Variants in RTN4IP1 observed in about 807,000 individuals in gnomAD.
The protein encoded by RTN4IP1 is reticulon 4 interacting protein 1, also known as NAD(P)H oxidoreductase RTN4IP1, mitochondrial.
Under a neutral mutation model 46.6 loss-of-function variants are expected in RTN4IP1, and 32 were observed. That is an observed-to-expected ratio of 0.69 (90% CI 0.52 to 0.92). The LOEUF (loss-of-function observed/expected upper bound fraction) is 0.92. Ranked by LOEUF, RTN4IP1 falls within the 40% of genes least tolerant of loss-of-function variation. The pLI is 0.00. For synonymous variants in RTN4IP1, 167 were observed against 161.8 expected, an observed-to-expected ratio of 1.03 and a Z score of -0.24; for missense variants, 424 against 485.8, an observed-to-expected ratio of 0.87 and a Z score of 1.20.
chr6:106,609,900 A>AC (rs139061293), intron 4 of RTN4IP1, among the ~76,000 whole-genome samples: 7,736 of 152,202 alleles, frequency 0.051, 278 homozygotes, highest in Middle Eastern at 0.099. Flanking sequence ...CCTGATGGCG[A>AC]CCCCAAGTGC....
chr6:106,587,656 C>T, intron 7 of RTN4IP1, 23 bp downstream of exon 7: 1 of 1,587,120 alleles, frequency 6.3e-7, no homozygotes, highest in Non-Finnish European at 8.6e-7. Flanking sequence ...CCTGCAGTCA[C>T]CAACCAAGAC....
At chr6:106,592,730 C>T (rs996883343) in intron 5 of RTN4IP1, among the ~76,000 whole-genome samples, 1 of 152,122 alleles carries the variant, frequency 6.6e-6, no homozygotes, top group Non-Finnish European at 1.5e-5. Context: ...TCGAGACCAG[C>T]CTGGCCAACA....
At chr6:106,579,685 T>C (rs990312100) in intron 8 of RTN4IP1, among the ~76,000 whole-genome samples, 4 of 152,048 alleles carry the variant, frequency 2.6e-5, no homozygotes, top group Admixed American at 6.5e-5. Flanking sequence ...CTCATTATTG[T>C]GGATATTAAC....
chr6:106,615,499 A>G (rs573984590), intron 4 of RTN4IP1, among the ~76,000 whole-genome samples: 2 of 152,274 alleles, frequency 1.3e-5, no homozygotes, highest in South Asian at 2.1e-4. Context: ...GAATAGTTCA[A>G]TTCCTAACTC....
intron 4 of RTN4IP1, among the ~76,000 whole-genome samples, chr6:106,608,736 C>T (rs1050519231): frequency 6.6e-6 from 1 of 152,172 alleles, no homozygotes; most frequent in African/African-American, 2.4e-5. Context: ...GGTAAAGTAC[C>T]TTTTGCCCTG....
At chr6:106,574,264 T>G (rs933015376) in intron 8 of RTN4IP1, among the ~76,000 whole-genome samples, 2 of 151,914 alleles carry the variant, frequency 1.3e-5, no homozygotes, top group African/African-American at 4.8e-5. Flanking sequence ...GCCAACATGG[T>G]GAAACCTATC....
chr6:106,599,819 G>A (rs1430709979), intron 5 of RTN4IP1, among the ~76,000 whole-genome samples: 1 of 150,172 alleles, frequency 6.7e-6, no homozygotes, highest in East Asian at 2.0e-4. Context: ...TCCTAAAATA[G>A]GAATTCTTGT....
At chr6:106,597,569 G>A (rs550624821) in intron 5 of RTN4IP1, among the ~76,000 whole-genome samples, 5 of 151,690 alleles carry the variant, frequency 3.3e-5, no homozygotes, top group South Asian at 4.2e-4. Flanking sequence ...GTCCTGAATC[G>A]CTGAGCTCAA....
chr6:106,606,755 A>G (rs1776086058), intron 4 of RTN4IP1, among the ~76,000 whole-genome samples: 1 of 152,110 alleles, frequency 6.6e-6, no homozygotes, highest in African/African-American at 2.4e-5. Flanking sequence ...AAATAAATAG[A>G]AAAGAACACA....
chr6:106,585,754 A>T (rs777017955), intron 7 of RTN4IP1, among the ~76,000 whole-genome samples: 1 of 152,182 alleles, frequency 6.6e-6, no homozygotes, highest in Non-Finnish European at 1.5e-5. Flanking sequence ...AGGTTTTCAC[A>T]TGAGATTACC....
At chr6:106,626,633 G>A (rs1776653010) in intron 1 of RTN4IP1, among the ~76,000 whole-genome samples, 1 of 152,126 alleles carries the variant, frequency 6.6e-6, no homozygotes, top group Non-Finnish European at 1.5e-5. Context: ...GAGTAGCCTT[G>A]GCTCACTGTT....
At chr6:106,628,072 C>A (rs1204270788) in intron 1 of RTN4IP1, among the ~76,000 whole-genome samples, 7 of 148,184 alleles carry the variant, frequency 4.7e-5, no homozygotes, top group Admixed American at 2.7e-4. Flanking sequence ...GTCTCAAAAA[C>A]AAACAAAAAA....
rs370259847 is a variant in RTN4IP1, at chr6:106,629,285, C to T, written c.-264G>A. ...CCATTCTCCTCCCTCACTTTCACCC[C>T]CTCCACTTTAAAAAAAAAAGGGGGG... On this transcript the variant is annotated 5_prime_UTR_variant, in exon 1 of 9. Coordinates refer to ENST00000369063, the MANE Select transcript of RTN4IP1 (RefSeq NM_032730.5). 129 of 545,542 alleles carry T rather than the reference C, an allele frequency of 2.4e-4. 1 individual carries two copies. The highest frequency in any genetic ancestry group is 2.1e-3 in the African/African-American group (106 of 51,518). 33.8% of individuals were successfully genotyped at this position (545,542 alleles called of 1,614,324 possible). A position where few individuals can be genotyped will look rare whatever the true frequency, so the allele number is the denominator to read the frequency against.
intron 7 of RTN4IP1, among the ~76,000 whole-genome samples, chr6:106,586,918 T>C (rs920022907): frequency 3.9e-5 from 6 of 152,162 alleles, no homozygotes; most frequent in Admixed American, 3.9e-4. Context: ...TTGGGTGAGA[T>C]GTATTCAGTT....
intron 8 of RTN4IP1, among the ~76,000 whole-genome samples, chr6:106,577,081 C>T (rs1304165530): frequency 1.3e-5 from 2 of 152,156 alleles, no homozygotes; most frequent in Admixed American, 6.6e-5. Context: ...ACATTAAGCT[C>T]CTAACATCAG....
At chr6:106,589,097 C>T (rs980493209) in intron 6 of RTN4IP1, among the ~76,000 whole-genome samples, 8 of 122,126 alleles carry the variant, frequency 6.6e-5, no homozygotes, top group East Asian at 2.5e-4. Context: ...GCAACAAGAG[C>T]GAAACTCAGA....
At chr6:106,621,639 G>T in intron 2 of RTN4IP1, 146 bp from the exon 3 acceptor site, 1 of 615,978 alleles carries the variant, frequency 1.6e-6, no homozygotes, top group Non-Finnish European at 2.8e-6. Context: ...TTATTTTCAT[G>T]ATATAAATTT....
rs373944466 is a variant in RTN4IP1 at position 106,617,621 on chromosome 6, A to G, written c.620+1581T>C. On this transcript the variant is annotated intron_variant, in intron 4 of 8. Coordinates refer to ENST00000369063, the MANE Select transcript of RTN4IP1 (RefSeq NM_032730.5). ...CTTAAACAGAAGATAACAGAGTACC[A>G]AAGAATTACCCACAAAGCCAACAAC... 6.3e-4 allele frequency among the ~76,000 whole-genome samples: 96 copies of G among 152,306 alleles called. 1 individual carries two copies. Among genetic ancestry groups the G allele is most frequent in the African/African-American group, 2.2e-3 (90 of 41,558 alleles).
chr6:106,622,844 C>T lies in RTN4IP1; in HGVS notation c.400G>A (p.Val134Met). The T allele has an allele frequency of 1.9e-6, 3 of 1,613,754 alleles. No individual in the cohort carries two copies. Among genetic ancestry groups the T allele is most frequent in the Non-Finnish European group, 2.5e-6 (3 of 1,179,846 alleles). ...SGVVMECGLD[V>M]KYFKPGDEVW... ...TCATCTCCAGGCTTGAAGTATTTCA[C>T]ATCAAGCCCACATTCCATCACCACG... The change falls in exon 2 of 9, where the codon GTG becomes ATG. Residue 134 changes from valine to methionine, a missense_variant. Physicochemically the swap from Val to Met is conservative, Grantham distance 21. Transcript: ENST00000369063.
Sources: allele counts gnomAD v4.1 joint callset (sites outside exome capture counted in the v4.1 genomes callset), GRCh38; gene constraint gnomAD v4.1.1; transcripts MANE v1.5; gene names NCBI Gene and HGNC (gene_info 2026-07-23, HGNC 2026-07-21).